STK32B: variants seen among roughly 807,000 people sequenced by gnomAD.
STK32B encodes the protein serine/threonine kinase 32B.
STK32B carries 43 observed loss-of-function variants against 52.6 expected under a neutral mutation model. The ratio of observed to expected loss-of-function variants is 0.82; its 90% CI spans 0.64 to 1.05. STK32B has a LOEUF of 1.05. Ranked by LOEUF, STK32B falls within the 50% of genes least tolerant of loss-of-function variation. STK32B has a pLI of 0.00. For synonymous variants in STK32B, 238 were observed against 204.3 expected (o/e 1.17, Z -1.41); for missense variants, 621 against 534.6 (o/e 1.16, Z -1.59).
intron 3 of STK32B, among the ~76,000 whole-genome samples, chr4:5,185,662 C>A (rs1208337393): frequency 1.3e-5 from 2 of 152,132 alleles, no homozygotes; most frequent in East Asian, 3.9e-4. Context: ...TTGTCCCTAG[C>A]CTGAACTGTT....
chr4:5,157,947 G>C lies in STK32B; in HGVS notation c.109-10352G>C, dbSNP rs536657393. ...TGTTCATGCAGACATCTTCATGAAG[G>C]TTGGAATCCATTTCTTTTTAATGAA... On this transcript the variant is annotated intron_variant, in intron 2 of 11. Transcript: ENST00000282908. Among the ~76,000 whole-genome samples the C allele has an allele frequency of 3.7e-4, 57 of 152,288 alleles. 1 individual carries two copies. The South Asian group carries it at 7.7e-3, about 21-fold the overall frequency.
At chr4:5,441,090 G>A (rs1411089144) in intron 6 of STK32B, among the ~76,000 whole-genome samples, 1 of 149,766 alleles carries the variant, frequency 6.7e-6, no homozygotes, top group South Asian at 2.2e-4. Context: ...TCTCTGCCTG[G>A]CTTTGGTATC....
chr4:5,082,360 G>T (rs532795455), intron 1 of STK32B, among the ~76,000 whole-genome samples: 1 of 152,304 alleles, frequency 6.6e-6, no homozygotes, highest in South Asian at 2.1e-4. Flanking sequence ...CAACTTCAGG[G>T]CAGGGAGAGA....
intron 4 of STK32B, among the ~76,000 whole-genome samples, chr4:5,373,651 G>T (rs1039471637): frequency 6.6e-6 from 1 of 152,140 alleles, no homozygotes. Flanking sequence ...ACACACCTTT[G>T]TGTCCCCCTT....
chr4:5,368,174 C>T (rs533344622), intron 4 of STK32B, among the ~76,000 whole-genome samples: 15 of 151,996 alleles, frequency 9.9e-5, no homozygotes, highest in Admixed American at 2.0e-4. Context: ...ATCCTCTACC[C>T]GGAGGTGTCC....
intron 5 of STK32B, among the ~76,000 whole-genome samples, chr4:5,406,342 C>T (rs760138638): frequency 1.4e-4 from 21 of 152,116 alleles, no homozygotes; most frequent in African/African-American, 4.1e-4. Context: ...TCTAGGTGCA[C>T]GGTGCAAGCT....
chr4:5,318,488 G>A (rs1045601967), intron 3 of STK32B, among the ~76,000 whole-genome samples: 1 of 152,130 alleles, frequency 6.6e-6, no homozygotes, highest in African/African-American at 2.4e-5. Flanking sequence ...AAAGTTAGGA[G>A]CAAGATAAAA....
intron 3 of STK32B, among the ~76,000 whole-genome samples, chr4:5,261,473 T>C (rs1338060352): frequency 6.6e-6 from 1 of 152,108 alleles, no homozygotes; most frequent in East Asian, 1.9e-4. Context: ...AGGAGAGTAA[T>C]GACAATCACC....
chr4:5,349,058 T>C (rs1430854373), intron 4 of STK32B, among the ~76,000 whole-genome samples: 2 of 150,172 alleles, frequency 1.3e-5, no homozygotes, highest in Non-Finnish European at 2.9e-5. Context: ...TGTTCTACCA[T>C]TGTGACTACC....
At chr4:5,168,485 C>T in intron 3 of STK32B, 35 bp downstream of exon 3, 1 of 1,587,662 alleles carries the variant, frequency 6.3e-7, no homozygotes, top group Non-Finnish European at 8.6e-7. Context: ...CCTGTGGGTT[C>T]CCCTGTGGGG....
chr4:5,167,794 A>G (rs1413654545), intron 2 of STK32B, among the ~76,000 whole-genome samples: 1 of 152,224 alleles, frequency 6.6e-6, no homozygotes, highest in East Asian at 1.9e-4. Context: ...CTACATGGGC[A>G]GCAAAGTGGG....
rs1199646460 is a variant in STK32B at position 5,483,778 on chromosome 4, G to A, written c.1107-15167G>A. On this transcript the variant is annotated intron_variant, in intron 11 of 11. Coordinates refer to ENST00000282908, the MANE Select transcript of STK32B (RefSeq NM_018401.3). ...CTTTGAATGTGTCCTAGAGATTCTG[G>A]TATGTTGTGTCTTTGTTCTCGTTGG... Among the ~76,000 whole-genome samples the A allele has an allele frequency of 3.3e-5, 5 of 152,034 alleles. No individual in the cohort carries two copies. In the South Asian group the frequency reaches 1.0e-3, roughly 32 times the overall value.
intron 3 of STK32B, among the ~76,000 whole-genome samples, chr4:5,258,680 A>G (rs1043283315): frequency 6.6e-6 from 1 of 151,990 alleles, no homozygotes; most frequent in African/African-American, 2.4e-5. Flanking sequence ...GCATCTCCCC[A>G]GCTTCCACCC....
At chr4:5,275,696 G>A (rs116160214) in intron 3 of STK32B, among the ~76,000 whole-genome samples, 167 of 152,170 alleles carry the variant, frequency 1.1e-3, no homozygotes, top group African/African-American at 3.6e-3. Context: ...GGAATGGATG[G>A]AGGAATGAAT....
chr4:5,168,562 T>C lies in STK32B; in HGVS notation c.260+112T>C, dbSNP rs566847853. ...ATTGTAAAGGGAAAGGGATGCAATT[T>C]TCTGGGTTCAGTTATTCTTAAGTAT... On this transcript the variant is annotated intron_variant, in intron 3 of 11. Coordinates refer to ENST00000282908, the MANE Select transcript of STK32B (RefSeq NM_018401.3). 1,159 of 1,281,054 alleles carry C rather than the reference T, an allele frequency of 9.0e-4. 5 individuals carry two copies. The highest frequency in any genetic ancestry group is 8.2e-4 in the Non-Finnish European group (777 of 951,940). The allele number at this position is 1,281,054 out of a possible 1,614,324, so 79.4% of individuals were successfully genotyped here.
chr4:5,327,497 C>T (rs544853301), intron 3 of STK32B, among the ~76,000 whole-genome samples: 6 of 151,812 alleles, frequency 4.0e-5, no homozygotes, highest in Non-Finnish European at 8.8e-5. Context: ...ATGAAAACAA[C>T]ATTAATCTTG....
chr4:5,058,998 A>G lies in STK32B; in HGVS notation c.52+7083A>G, dbSNP rs1442839100. Among the ~76,000 whole-genome samples the G allele has an allele frequency of 2.3e-5, 3 of 127,778 alleles. No homozygotes were observed. The highest frequency in any genetic ancestry group is 9.0e-5 in the African/African-American group (3 of 33,294). The allele number at this position is 127,778 out of a possible 152,430, so 83.8% of individuals were successfully genotyped here. ...ACTCCTGACCTCAGGTGATCTGCCCACCTTGGCCTCCCAAAGTTCTGAGAT... is the reference window on the plus strand; with the variant it reads ...ACTCCTGACCTCAGGTGATCTGCCCGCCTTGGCCTCCCAAAGTTCTGAGAT... On this transcript the variant is annotated intron_variant, in intron 1 of 11. Transcript: ENST00000282908. The surrounding 1 kb of genome is among the most constrained non-coding windows in gnomAD (Gnocchi z 4.8).
At chr4:5,155,006 C>G (rs1022502599) in intron 2 of STK32B, among the ~76,000 whole-genome samples, 2 of 152,146 alleles carry the variant, frequency 1.3e-5, no homozygotes, top group African/African-American at 4.8e-5. Flanking sequence ...GTTTTTCTGA[C>G]TCTGCTTTCT....
At chr4:5,193,820 G>A (rs543716009) in intron 3 of STK32B, among the ~76,000 whole-genome samples, 7 of 152,232 alleles carry the variant, frequency 4.6e-5, no homozygotes, top group Non-Finnish European at 7.3e-5. Context: ...TTTGCGGGAT[G>A]GTGGACACAT....
Sources: gnomAD v4.1 joint callset for allele counts (sites outside exome capture counted in the v4.1 genomes callset) on GRCh38, gnomAD v4.1.1 for gene constraint, Gnocchi (gnomAD v3.1) non-coding constraint, MANE v1.5 for transcripts, NCBI Gene and HGNC (gene_info 2026-07-23, HGNC 2026-07-21) for gene names.